Variants in STRN observed in about 807,000 individuals in gnomAD.
The protein encoded by STRN is protein phosphatase 2 regulatory subunit B'''alpha.
STRN carries 53 observed loss-of-function variants against 96.3 expected under a neutral mutation model. The observed-to-expected ratio is 0.55, with a 90% CI of 0.44 to 0.69. The LOEUF is 0.69. Ranked by LOEUF, STRN falls within the 30% of genes least tolerant of loss-of-function variation. STRN has a pLI of 0.00. For missense variants in STRN, 987 were observed against 963.9 expected (o/e 1.02, Z -0.32); for synonymous variants, 428 against 355.9 (o/e 1.20, Z -2.28).
In STRN at chr2:36,874,221, G is replaced by A. The variant is rs139730044; in HGVS notation, c.1323+3670C>T. 4.9e-3 allele frequency among the ~76,000 whole-genome samples: 735 copies of A among 150,622 alleles called. 6 individuals carry two copies. Among genetic ancestry groups the A allele is most frequent in the African/African-American group, 0.016 (675 of 40,972 alleles). ...GGAGCTTGCAGTCAGCTAAGATCGC[G>A]CCACTGCACTACAGCCTGGGCGACA... is the stretch of plus-strand genomic sequence containing the variant. On this transcript the variant is annotated intron_variant, in intron 10 of 17. Coordinates refer to ENST00000263918, the MANE Select transcript of STRN (RefSeq NM_003162.4).
At chr2:36,916,176 G>T (rs747722151) in intron 2 of STRN, 25 bp from the exon 3 acceptor site, 10 of 1,578,416 alleles carry the variant, frequency 6.3e-6, no homozygotes, top group African/African-American at 1.3e-5. Context: ...AGAAAATACA[G>T]ACCATCTTAA....
In STRN at chr2:36,966,224, C is replaced by G; in HGVS notation, c.234+6G>C. On this transcript the variant is annotated splice_donor_region_variant and intron_variant, in intron 1 of 17. Coordinates refer to ENST00000263918, the MANE Select transcript of STRN (RefSeq NM_003162.4). The stretch of plus-strand genomic sequence containing the variant: ...ATGAAGACGGCCAGGCCGGGAGGGT[C>G]TTTACCTGCAGCTCCGCCCGCTCCA... 1.3e-6 allele frequency: 2 copies of G among 1,559,494 alleles called. No individual in the cohort carries two copies. Among genetic ancestry groups the G allele is most frequent in the Non-Finnish European group, 1.7e-6 (2 of 1,154,904 alleles).
At chr2:36,863,572 A>G (rs1360338665) in intron 12 of STRN, among the ~76,000 whole-genome samples, 21 of 152,220 alleles carry the variant, frequency 1.4e-4, no homozygotes, top group Admixed American at 1.4e-3. Context: ...TGGTTACTAC[A>G]GCCCTGTAGT....
chr2:36,902,633 A>C lies in STRN; in HGVS notation c.610T>G (p.Ser204Ala). The change falls in exon 5 of 18, where the codon TCA becomes GCA. Residue 204 changes from serine to alanine, a missense_variant. By Grantham distance (99) the Ser-to-Ala change is moderately conservative (BLOSUM62 1). Coordinates refer to ENST00000263918, the MANE Select transcript of STRN (RefSeq NM_003162.4). ...TDREDDKNQD[S>A]VVNGTEAEVK... is the part of the protein sequence containing the mutation. The stretch of plus-strand genomic sequence containing the variant: ...TCAGCCTCTGTGCCATTTACAACTG[A>C]GTCCTGATTTTTGTCATCTTCCCTG... The C allele has an allele frequency of 6.2e-7, 1 of 1,611,866 alleles. No homozygotes were observed. The highest frequency in any genetic ancestry group is 8.5e-7 in the Non-Finnish European group (1 of 1,178,502).
At chr2:36,868,335 AC>A (rs1668680095) in intron 11 of STRN, among the ~76,000 whole-genome samples, 1 of 152,228 alleles carries the variant, frequency 6.6e-6, no homozygotes, top group South Asian at 2.1e-4. Flanking sequence ...ACAATCATGC[AC>A]ATAGTAGGAT....
At chr2:36,915,876 AAAAG>A (rs1670083503) in intron 3 of STRN, among the ~76,000 whole-genome samples, 198 bp downstream of exon 3, 1 of 152,236 alleles carries the variant, frequency 6.6e-6, no homozygotes, top group Non-Finnish European at 1.5e-5. Context: ...ATGGGGAACT[AAAAG>A]AAAGGGGAAG....
chr2:36,869,625 A>C lies in STRN; in HGVS notation c.1428T>G (p.Pro476=). Reference sequence around the variant, plus strand: ...GATCCTCTGATGCTGTTATCAAAACAGGCTCAATGGGATGGAAAGCAAGGG... The same window carrying C: ...GATCCTCTGATGCTGTTATCAAAACCGGCTCAATGGGATGGAAAGCAAGGG... ...IRALAFHPIE[P]VLITASEDHT... Residue 476 remains proline, a synonymous_variant, in exon 11 of 18, where the codon CCT becomes CCG. Transcript: ENST00000263918. The C allele has an allele frequency of 6.2e-7, 1 of 1,612,582 alleles. No homozygotes were observed. Among genetic ancestry groups the C allele is most frequent in the Non-Finnish European group, 8.5e-7 (1 of 1,179,286 alleles).
rs549126174 is a variant in STRN at position 36,912,572 on chromosome 2, C to T, written c.412+3506G>A. Among the ~76,000 whole-genome samples, 44 of 152,246 alleles carry T rather than the reference C, an allele frequency of 2.9e-4. No individual in the cohort carries two copies. In the South Asian group the frequency reaches 6.4e-3, roughly 22 times the overall value. On this transcript the variant is annotated intron_variant, in intron 3 of 17. Transcript: ENST00000263918. Reference sequence around the variant, plus strand: ...TGTATCAGACTCTTTTTCACGTTTCCGTTCTTCTACCAGTCTTTTAAATGT... The same window carrying T: ...TGTATCAGACTCTTTTTCACGTTTCTGTTCTTCTACCAGTCTTTTAAATGT...
intron 1 of STRN, among the ~76,000 whole-genome samples, chr2:36,964,193 A>AGGGGGG (rs1665099692): frequency 7.8e-6 from 1 of 127,600 alleles, no homozygotes; most frequent in African/African-American, 3.4e-5. Context: ...GGCGGGGGGA[A>AGGGGGG]GGATGGGTTG....
chr2:36,923,685 T>C (rs1323095872), intron 2 of STRN, among the ~76,000 whole-genome samples: 2 of 152,240 alleles, frequency 1.3e-5, no homozygotes, highest in South Asian at 2.1e-4. Context: ...ATAAATATCA[T>C]CTATTTATCT....
intron 11 of STRN, 125 bp from the exon 12 acceptor site, chr2:36,867,986 A>T (rs927757463): frequency 2.4e-5 from 14 of 573,294 alleles, no homozygotes; most frequent in Non-Finnish European, 4.0e-5. Flanking sequence ...ACTACACGAT[A>T]CGTAAGAAAG....
intron 1 of STRN, among the ~76,000 whole-genome samples, chr2:36,928,310 A>C (rs114158835): frequency 0.02 from 3,117 of 152,284 alleles, 61 homozygotes; most frequent in South Asian, 0.041. Context: ...TAAAAGACGA[A>C]AACAGCAAAA....
intron 10 of STRN, among the ~76,000 whole-genome samples, chr2:36,873,585 T>C (rs951806309): frequency 6.6e-6 from 1 of 152,020 alleles, no homozygotes; most frequent in African/African-American, 2.4e-5. Context: ...AATAATAATG[T>C]TGATTGTGTT....
At chr2:36,897,488 T>C (rs947035804) in intron 6 of STRN, among the ~76,000 whole-genome samples, 6 of 151,332 alleles carry the variant, frequency 4.0e-5, no homozygotes, top group Non-Finnish European at 7.4e-5. Flanking sequence ...CAGGCTGGAG[T>C]GCAGTGGCGC....
In STRN at chr2:36,869,470, T is replaced by C. The variant is rs927076056; in HGVS notation, c.1499+84A>G. Reference sequence around the variant, plus strand: ...GAACTAGAAGAAATGTTTGGGAAATTTAACAGAAATCATAAAATATGTAGT... The same window carrying C: ...GAACTAGAAGAAATGTTTGGGAAATCTAACAGAAATCATAAAATATGTAGT... On this transcript the variant is annotated intron_variant, in intron 11 of 17. Coordinates refer to ENST00000263918, the MANE Select transcript of STRN (RefSeq NM_003162.4). The C allele has an allele frequency of 5.8e-6, 7 of 1,210,666 alleles. No homozygotes were observed. The African/African-American group carries it at 1.1e-4, about 19-fold the overall frequency. The allele number at this position is 1,210,666 out of a possible 1,614,324, so 75.0% of individuals were successfully genotyped here. A position where few individuals can be genotyped will look rare whatever the true frequency, so the allele number is the denominator to read the frequency against.
intron 2 of STRN, among the ~76,000 whole-genome samples, chr2:36,918,869 T>G (rs1226659084): frequency 6.6e-6 from 1 of 152,234 alleles, no homozygotes; most frequent in Admixed American, 6.5e-5. Flanking sequence ...TGTTTGCTAT[T>G]CTTTTTCTGT....
At chr2:36,948,644 A>C (rs763499265) in intron 1 of STRN, among the ~76,000 whole-genome samples, 17 of 152,204 alleles carry the variant, frequency 1.1e-4, no homozygotes, top group Admixed American at 5.9e-4. Context: ...AATTCCTAGA[A>C]CAGTTACTTG....
intron 1 of STRN, among the ~76,000 whole-genome samples, chr2:36,960,385 A>G (rs1246650458): frequency 6.6e-6 from 1 of 152,208 alleles, no homozygotes; most frequent in East Asian, 1.9e-4. Context: ...CCTGGGTCAG[A>G]CCCAGAATAT....
At chr2:36,853,349 C>G (rs942887590) in intron 15 of STRN, among the ~76,000 whole-genome samples, 1 of 151,850 alleles carries the variant, frequency 6.6e-6, no homozygotes, top group African/African-American at 2.4e-5. Flanking sequence ...ACAGTAACAA[C>G]AAAAAAAGAA....
Sources: allele counts gnomAD v4.1 joint callset (sites outside exome capture counted in the v4.1 genomes callset), GRCh38; gene constraint gnomAD v4.1.1; transcripts MANE v1.5; gene names NCBI Gene and HGNC (gene_info 2026-07-23, HGNC 2026-07-21).